The following MEMO1 variants were observed in gnomAD, a reference collection of about 807,000 sequenced individuals.
MEMO1 encodes the protein protein MEMO1.
MEMO1 carries 6 observed loss-of-function variants against 45.2 expected under a neutral mutation model. The observed-to-expected ratio is 0.13, with a 90% CI of 0.07 to 0.26. MEMO1 has a LOEUF of 0.26. Ranked by LOEUF, MEMO1 falls within the 10% of genes least tolerant of loss-of-function variation. MEMO1 has a pLI of 1.00. For synonymous variants in MEMO1, 78 were observed against 124.3 expected, an observed-to-expected ratio of 0.63 and a Z score of 2.48; for missense variants, 184 against 370.5, an observed-to-expected ratio of 0.50 and a Z score of 4.13.
chr2:31,908,306 T>C (rs774756941), intron 6 of MEMO1, among the ~76,000 whole-genome samples: 13 of 152,132 alleles, frequency 8.5e-5, no homozygotes, highest in Admixed American at 2.0e-4. Flanking sequence ...CAGGTAGTGA[T>C]ATAAACAGGT....
At chr2:31,915,391 C>A (rs572788949) in intron 6 of MEMO1, among the ~76,000 whole-genome samples, 1 of 152,198 alleles carries the variant, frequency 6.6e-6, no homozygotes, top group South Asian at 2.1e-4. Context: ...TGCTACTCCT[C>A]CCATCAAGAG....
intron 7 of MEMO1, 60 bp from the exon 8 acceptor site, chr2:31,883,522 C>T (rs978751844): frequency 1.6e-6 from 2 of 1,212,286 alleles, no homozygotes; most frequent in Admixed American, 2.5e-5. Context: ...AAAAAGAAAG[C>T]AAGCGCTTAC....
chr2:31,872,327 T>C (rs1673903997), intron 8 of MEMO1, among the ~76,000 whole-genome samples: 1 of 152,174 alleles, frequency 6.6e-6, no homozygotes, highest in Non-Finnish European at 1.5e-5. Flanking sequence ...AACACTTACA[T>C]AGCTACAACT....
chr2:31,993,554 G>A (rs1298106809), intron 2 of MEMO1, among the ~76,000 whole-genome samples: 2 of 152,178 alleles, frequency 1.3e-5, no homozygotes, highest in South Asian at 4.1e-4. Context: ...TTCCGGATCA[G>A]AATTCTGGAG....
At chr2:31,988,133 T>TA (rs1331111819) in intron 2 of MEMO1, among the ~76,000 whole-genome samples, 4 of 152,162 alleles carry the variant, frequency 2.6e-5, no homozygotes, top group Non-Finnish European at 1.5e-5. Flanking sequence ...AGTAAGGATT[T>TA]CTACATACCA....
intron 2 of MEMO1, among the ~76,000 whole-genome samples, chr2:31,983,780 G>T (rs937400107): frequency 2.6e-5 from 4 of 152,144 alleles, no homozygotes; most frequent in Non-Finnish European, 5.9e-5. Flanking sequence ...AGAAAGCAAG[G>T]CTCCTTGGAG....
chr2:31,902,015 G>A (rs1021162061), intron 6 of MEMO1, among the ~76,000 whole-genome samples: 1 of 152,102 alleles, frequency 6.6e-6, no homozygotes, highest in African/African-American at 2.4e-5. Context: ...GCAGATGCTT[G>A]TAAGTCCCAG....
intron 3 of MEMO1, among the ~76,000 whole-genome samples, chr2:31,935,729 G>A (rs977161324): frequency 6.6e-6 from 1 of 152,050 alleles, no homozygotes; most frequent in Non-Finnish European, 1.5e-5. Flanking sequence ...TCACACTACA[G>A]ATGCTCTTTT....
chr2:31,906,523 C>A (rs1679768940), intron 6 of MEMO1, among the ~76,000 whole-genome samples: 1 of 151,932 alleles, frequency 6.6e-6, no homozygotes. Context: ...TGGGGTTTCA[C>A]CATGTTGGCC....
At chr2:31,961,234 T>G (rs972534368) in intron 2 of MEMO1, among the ~76,000 whole-genome samples, 1 of 152,026 alleles carries the variant, frequency 6.6e-6, no homozygotes, top group Non-Finnish European at 1.5e-5. Context: ...GGCAAGTGCC[T>G]ATAATCTCAG....
At chr2:31,926,195 C>A (rs1683083098) in intron 4 of MEMO1, among the ~76,000 whole-genome samples, 1 of 151,852 alleles carries the variant, frequency 6.6e-6, no homozygotes, top group Non-Finnish European at 1.5e-5. Context: ...AGTGAGACCA[C>A]ATCTCTACAA....
chr2:31,915,426 A>G (rs1681294206), intron 6 of MEMO1, among the ~76,000 whole-genome samples: 2 of 152,018 alleles, frequency 1.3e-5, no homozygotes, highest in Non-Finnish European at 2.9e-5. Flanking sequence ...TTTTTTCCTT[A>G]AATCTTGGCT....
intron 2 of MEMO1, among the ~76,000 whole-genome samples, chr2:31,951,532 T>A (rs549855978): frequency 2.6e-4 from 40 of 151,368 alleles, no homozygotes; most frequent in African/African-American, 6.3e-4. Flanking sequence ...TTTTTTTTTT[T>A]ATCTTTTTAT....
intron 2 of MEMO1, among the ~76,000 whole-genome samples, chr2:31,945,748 G>T (rs1394234506): frequency 1.3e-5 from 2 of 152,170 alleles, no homozygotes; most frequent in Non-Finnish European, 2.9e-5. Context: ...AGGCCATCTA[G>T]TTCCAAGTTG....
intron 6 of MEMO1, among the ~76,000 whole-genome samples, chr2:31,906,433 C>T (rs1455865608): frequency 6.6e-6 from 1 of 152,060 alleles, no homozygotes; most frequent in Non-Finnish European, 1.5e-5. Context: ...AAGCGATTCT[C>T]CTTTCTCAAC....
intron 6 of MEMO1, among the ~76,000 whole-genome samples, chr2:31,902,728 C>G (rs1679050188): frequency 6.6e-6 from 1 of 152,100 alleles, no homozygotes; most frequent in East Asian, 1.9e-4. Context: ...GAACCTCCCC[C>G]TCACATTTTG....
intron 4 of MEMO1, among the ~76,000 whole-genome samples, chr2:31,928,538 C>A (rs1683464153): frequency 1.0e-5 from 1 of 97,902 alleles, no homozygotes. Context: ...CAAAGAGAGA[C>A]TCCATCTCAA....
At chr2:31,992,657 G>A (rs912328733) in intron 2 of MEMO1, among the ~76,000 whole-genome samples, 3 of 152,166 alleles carry the variant, frequency 2.0e-5, no homozygotes, top group African/African-American at 7.2e-5. Flanking sequence ...GGTGGCGGGA[G>A]CCTATAATCC....
At position 31,883,245 on chromosome 2, in the gene MEMO1, T is replaced by A. The variant is rs574230383; in HGVS notation, c.657+141A>T. On this transcript the variant is annotated intron_variant, in intron 8 of 9. Transcript: ENST00000404530. Reference sequence around the variant, plus strand: ...ATAGGGATTATTCTTATAGTCAGTATTTATATGATGACACATTGCATTTTG... The same window carrying A: ...ATAGGGATTATTCTTATAGTCAGTAATTATATGATGACACATTGCATTTTG... 5 of 652,254 alleles carry A rather than the reference T, an allele frequency of 7.7e-6. 1 individual carries two copies. In the South Asian group the frequency reaches 1.1e-4, roughly 14 times the overall value. 40.4% of individuals were successfully genotyped at this position (652,254 alleles called of 1,614,324 possible). A position where few individuals can be genotyped will look rare whatever the true frequency, so the allele number is the denominator to read the frequency against.
Sources: gnomAD v4.1 joint callset for allele counts (sites outside exome capture counted in the v4.1 genomes callset) on GRCh38, gnomAD v4.1.1 for gene constraint, MANE v1.5 for transcripts, NCBI Gene and HGNC (gene_info 2026-07-23, HGNC 2026-07-21) for gene names.